HMBOX1: variants seen among roughly 807,000 people sequenced by gnomAD.
HMBOX1 encodes homeobox containing 1.
A neutral mutation model predicts 54.5 loss-of-function variants in HMBOX1; 14 were observed. The observed-to-expected ratio is 0.26, with a 90% CI of 0.17 to 0.40. The LOEUF is 0.40. Ranked by LOEUF, HMBOX1 falls within the 10% of genes least tolerant of loss-of-function variation. The probability of loss-of-function intolerance (pLI) is 1.00; values close to 1 mark genes in which losing one functional copy is unlikely to be tolerated. For synonymous variants in HMBOX1, 160 were observed against 181.0 expected (o/e 0.88, Z 0.93); for missense variants, 332 against 514.4 (o/e 0.65, Z 3.43).
At chr8:29,007,241 AT>A (rs1480288865) in intron 4 of HMBOX1, among the ~76,000 whole-genome samples, 4 of 152,078 alleles carry the variant, frequency 2.6e-5, no homozygotes, top group Non-Finnish European at 5.9e-5. Flanking sequence ...GTGAACCGAG[AT>A]CACGCCACTG....
At position 29,051,944 on chromosome 8, in the gene HMBOX1, A is replaced by G. The variant is rs1806478956; in HGVS notation, c.*789A>G. 2 of 213,828 alleles carry G rather than the reference A, an allele frequency of 9.4e-6. No homozygotes were observed. The highest frequency in any genetic ancestry group is 4.5e-5 in the African/African-American group (2 of 44,054). The allele number at this position is 213,828 out of a possible 1,614,324, so 13.2% of individuals were successfully genotyped here. On this transcript the variant is annotated 3_prime_UTR_variant, in exon 10 of 10. Transcript: ENST00000287701. ...CCCAGCTTGAGAGCATTGGAAAAAA[A>G]AAATATGAGCTGAATGTCTAATGGA...
chr8:29,009,213 C>A, intron 5 of HMBOX1, 31 bp downstream of exon 5: 1 of 1,507,604 alleles, frequency 6.6e-7, no homozygotes, highest in Middle Eastern at 1.7e-4. Flanking sequence ...TTTATTGCAT[C>A]TGAAACAAGA....
chr8:28,962,793 G>A (rs1825830648), intron 1 of HMBOX1, among the ~76,000 whole-genome samples: 1 of 151,994 alleles, frequency 6.6e-6, no homozygotes, highest in Admixed American at 6.6e-5. Context: ...TATAAACGTT[G>A]TATTTTTGGT....
chr8:28,909,086 C>CCCT (rs1241516785), intron 1 of HMBOX1, among the ~76,000 whole-genome samples: 2 of 149,210 alleles, frequency 1.3e-5, no homozygotes, highest in Admixed American at 6.7e-5. Context: ...CAGAGTGAGA[C>CCCT]CCTATCTCTA....
At chr8:29,006,635 G>A (rs1396407567) in intron 4 of HMBOX1, among the ~76,000 whole-genome samples, 1 of 151,842 alleles carries the variant, frequency 6.6e-6, no homozygotes, top group Non-Finnish European at 1.5e-5. Flanking sequence ...TTTTTTTATG[G>A]CTTTTTAAAA....
chr8:29,010,812 G>T (rs1243574231), intron 5 of HMBOX1, among the ~76,000 whole-genome samples: 1 of 151,928 alleles, frequency 6.6e-6, no homozygotes, highest in African/African-American at 2.4e-5. Context: ...ATCTCTTTTA[G>T]GTTGGAAAAT....
At chr8:28,934,787 C>A (rs1054204320) in intron 1 of HMBOX1, among the ~76,000 whole-genome samples, 1 of 151,944 alleles carries the variant, frequency 6.6e-6, no homozygotes, top group Non-Finnish European at 1.5e-5. Context: ...ATTAGCTGGG[C>A]GCGGTGGCAG....
At chr8:28,968,748 T>TTTCCATCTGC (rs1409496730) in intron 2 of HMBOX1, among the ~76,000 whole-genome samples, 1 of 152,218 alleles carries the variant, frequency 6.6e-6, no homozygotes, top group African/African-American at 2.4e-5. Flanking sequence ...TTGACATCTG[T>TTTCCATCTGC]TTCCATCTGC....
chr8:28,941,068 C>T (rs1238674565), intron 1 of HMBOX1, among the ~76,000 whole-genome samples: 1 of 151,986 alleles, frequency 6.6e-6, no homozygotes, highest in Non-Finnish European at 1.5e-5. Flanking sequence ...AATATTATTT[C>T]CCCTTGTGAA....
At chr8:28,900,291 T>TATATATATATATATATATA (rs1554519282) in intron 1 of HMBOX1, among the ~76,000 whole-genome samples, 1 of 143,678 alleles carries the variant, frequency 7.0e-6, no homozygotes, top group Non-Finnish European at 1.5e-5. Flanking sequence ...TATATATATA[T>TATATATATATATATATATA]TTTGTTTCCT....
At chr8:28,957,622 A>C (rs1824712267) in intron 1 of HMBOX1, among the ~76,000 whole-genome samples, 1 of 152,084 alleles carries the variant, frequency 6.6e-6, no homozygotes, top group Non-Finnish European at 1.5e-5. Flanking sequence ...ATTTATTTTT[A>C]CTATTGTTAT....
intron 6 of HMBOX1, among the ~76,000 whole-genome samples, chr8:29,039,549 C>CATTCATTTATTCCCTAATGT (rs1276507090): frequency 2.6e-5 from 4 of 152,106 alleles, no homozygotes; most frequent in African/African-American, 9.7e-5. Flanking sequence ...TTCCTTTTCC[C>CATTCATTTATTCCCTAATGT]ATTCATTTAT....
At chr8:28,991,725 A>G (rs933292261) in intron 4 of HMBOX1, among the ~76,000 whole-genome samples, 1 of 152,124 alleles carries the variant, frequency 6.6e-6, no homozygotes, top group African/African-American at 2.4e-5. Context: ...TTTGCTTCCA[A>G]GCCCTTCCAT....
At chr8:28,895,977 C>T (rs982876695) in intron 1 of HMBOX1, among the ~76,000 whole-genome samples, 24 of 152,110 alleles carry the variant, frequency 1.6e-4, no homozygotes, top group Non-Finnish European at 3.1e-4. Context: ...GATTGTCAAC[C>T]ATACTTTGCC....
At position 28,970,351 on chromosome 8, in the gene HMBOX1, C is replaced by T; in HGVS notation, c.332C>T (p.Pro111Leu). Reference sequence around the variant, plus strand: ...AACAGTTATGATACTTCCCCACAGCCTTGCACTACCAATCAAAATGGGAGG... The same window carrying T: ...AACAGTTATGATACTTCCCCACAGCTTTGCACTACCAATCAAAATGGGAGG... ...PSNSYDTSPQ[P>L]CTTNQNGREN... The change falls in exon 3 of 10, where the codon CCT (proline) becomes CTT (leucine). Residue 111 changes from proline to leucine, a missense_variant. This residue lies in a region of HMBOX1 where 146 missense variants were observed against 173.3 expected (regional missense o/e 0.84). Coordinates refer to ENST00000287701, the MANE Select transcript of HMBOX1 (RefSeq NM_001135726.3). This position sits in a 1 kb window ranked among gnomAD's most constrained non-coding sequence, Gnocchi z 4.3. 1 of 1,614,166 alleles carries T rather than the reference C, an allele frequency of 6.2e-7. No homozygotes were observed. Among genetic ancestry groups the T allele is most frequent in the Non-Finnish European group, 8.5e-7 (1 of 1,180,020 alleles).
chr8:28,949,297 A>C (rs1199092727), intron 1 of HMBOX1, among the ~76,000 whole-genome samples: 1 of 151,986 alleles, frequency 6.6e-6, no homozygotes, highest in African/African-American at 2.4e-5. Flanking sequence ...TTTTTTAGCT[A>C]CCTTGGTGGA....
In HMBOX1 at chr8:28,970,033, T is replaced by G. The variant is rs1336777217; in HGVS notation, c.24-10T>G. ...AATAAAGAGACTTCTTTTTATCTCT[T>G]TTTTTTTAGTTTGCTGGAAACCATG... On this transcript the variant is annotated splice_polypyrimidine_tract_variant and intron_variant, in intron 2 of 9. Transcript: ENST00000287701. The surrounding 1 kb of genome is among the most constrained non-coding windows in gnomAD (Gnocchi z 4.3). 8 of 1,539,560 alleles carry G rather than the reference T, an allele frequency of 5.2e-6. No homozygotes were observed. Among genetic ancestry groups the G allele is most frequent in the Non-Finnish European group, 7.1e-6 (8 of 1,120,158 alleles).
chr8:28,991,413 T>C (rs929432044), intron 4 of HMBOX1, among the ~76,000 whole-genome samples: 1 of 152,224 alleles, frequency 6.6e-6, no homozygotes, highest in African/African-American at 2.4e-5. Flanking sequence ...TAGTTTTTAC[T>C]TGCTAAGCTA....
At chr8:28,988,011 T>A (rs1323959620) in intron 4 of HMBOX1, among the ~76,000 whole-genome samples, 1 of 152,206 alleles carries the variant, frequency 6.6e-6, no homozygotes, top group Non-Finnish European at 1.5e-5. Flanking sequence ...AGTGGTATAA[T>A]CATTACCAAA....
Sources: allele counts gnomAD v4.1 joint callset (sites outside exome capture counted in the v4.1 genomes callset), GRCh38; gene constraint gnomAD v4.1.1; regional missense constraint gnomAD v4.1.1; non-coding constraint Gnocchi (gnomAD v3.1); transcripts MANE v1.5; gene names NCBI Gene and HGNC (gene_info 2026-07-23, HGNC 2026-07-21).